Variants in AUTS2 observed in about 807,000 individuals in gnomAD.
AUTS2 encodes activator of transcription and developmental regulator AUTS2.
Under a neutral mutation model 112.4 loss-of-function variants are expected in AUTS2, and 17 were observed. That is an observed-to-expected ratio of 0.15 (90% CI 0.10 to 0.23). The LOEUF is 0.23. Among genes scored for constraint, AUTS2 ranks in the 10% least tolerant of loss-of-function variants. The probability of loss-of-function intolerance (pLI) is 1.00; values close to 1 mark genes in which losing one functional copy is unlikely to be tolerated. For synonymous variants in AUTS2, 751 were observed against 702.7 expected (o/e 1.07, Z -1.09); for missense variants, 1,510 against 1,701.6 (o/e 0.89, Z 1.98).
At chr7:69,775,656 A>T (rs1179515615) in intron 1 of AUTS2, among the ~76,000 whole-genome samples, 2 of 152,110 alleles carry the variant, frequency 1.3e-5, no homozygotes, top group Non-Finnish European at 2.9e-5. Flanking sequence ...TCCGCAGCAC[A>T]CATTTCAAGG....
chr7:69,905,688 G>A (rs1025031614), intron 2 of AUTS2, among the ~76,000 whole-genome samples: 1 of 152,132 alleles, frequency 6.6e-6, no homozygotes, highest in Non-Finnish European at 1.5e-5. Flanking sequence ...AGACTCACAT[G>A]CCAATCTCCT....
chr7:70,109,547 G>A (rs1203308582), intron 2 of AUTS2, among the ~76,000 whole-genome samples: 4 of 151,934 alleles, frequency 2.6e-5, no homozygotes, highest in Non-Finnish European at 5.9e-5. Context: ...AAAATTTTCT[G>A]ATTGGCAGTT....
chr7:70,364,602 TAAATAAATAAATAAAA>T (rs1313119843), intron 4 of AUTS2, among the ~76,000 whole-genome samples: 11 of 148,450 alleles, frequency 7.4e-5, no homozygotes, highest in Admixed American at 2.7e-4. Flanking sequence ...AATAAATAAA[TAAATAAATAAATAAAA>T]ATTAAAAAGG....
At chr7:70,041,809 A>G (rs1801260522) in intron 2 of AUTS2, among the ~76,000 whole-genome samples, 1 of 152,210 alleles carries the variant, frequency 6.6e-6, no homozygotes, top group Admixed American at 6.5e-5. Flanking sequence ...GTCTTTGAAT[A>G]TGATAACAGT....
chr7:70,786,892 C>A (rs1381307675), intron 17 of AUTS2: 3 of 421,986 alleles, frequency 7.1e-6, no homozygotes, highest in Non-Finnish European at 1.3e-5. Context: ...TTCTGCATGC[C>A]TGGAACTTCT....
At chr7:70,517,572 A>G (rs1029533585) in intron 5 of AUTS2, among the ~76,000 whole-genome samples, 1 of 101,090 alleles carries the variant, frequency 9.9e-6, no homozygotes, top group Non-Finnish European at 2.2e-5. Context: ...ACACATATAT[A>G]CAAATTGCAT....
chr7:69,959,346 A>T (rs1249483151), intron 2 of AUTS2, among the ~76,000 whole-genome samples: 1 of 152,186 alleles, frequency 6.6e-6, no homozygotes, highest in Non-Finnish European at 1.5e-5. Flanking sequence ...CAGTTCTCTC[A>T]AAAATCCTTG....
chr7:70,728,309 T>C (rs992846058), intron 6 of AUTS2, among the ~76,000 whole-genome samples: 2 of 152,196 alleles, frequency 1.3e-5, no homozygotes, highest in South Asian at 2.1e-4. Flanking sequence ...AAACTTATCC[T>C]TAAAGTGCAG....
At chr7:69,958,173 C>A (rs1385882837) in intron 2 of AUTS2, among the ~76,000 whole-genome samples, 1 of 152,134 alleles carries the variant, frequency 6.6e-6, no homozygotes, top group Non-Finnish European at 1.5e-5. Context: ...GCCCACCGGC[C>A]AATCCCGACC....
chr7:69,892,525 TTA>T (rs1794574086), intron 1 of AUTS2, among the ~76,000 whole-genome samples: 1 of 152,234 alleles, frequency 6.6e-6, no homozygotes, highest in Non-Finnish European at 1.5e-5. Flanking sequence ...ATTCTGTGGC[TTA>T]TCTATTTATG....
chr7:70,784,285 A>G (rs1053270667), intron 15 of AUTS2: 4 of 152,236 alleles, frequency 2.6e-5, no homozygotes, highest in African/African-American at 7.2e-5. Flanking sequence ...ATGCGAACTA[A>G]CATACTCTTC....
intron 4 of AUTS2, among the ~76,000 whole-genome samples, chr7:70,421,031 T>C (rs193160530): frequency 2.7e-3 from 412 of 152,288 alleles, no homozygotes; most frequent in Non-Finnish European, 4.9e-3. Flanking sequence ...GAAAGCTATA[T>C]TTTGACAAAC....
chr7:70,317,963 T>C (rs1029390723), intron 4 of AUTS2, among the ~76,000 whole-genome samples: 24 of 152,158 alleles, frequency 1.6e-4, no homozygotes, highest in African/African-American at 5.8e-4. Context: ...CTGAGACTTC[T>C]AAAATGTAAT....
At chr7:69,998,570 A>G (rs1476757070) in intron 2 of AUTS2, among the ~76,000 whole-genome samples, 1 of 152,214 alleles carries the variant, frequency 6.6e-6, no homozygotes, top group Non-Finnish European at 1.5e-5. Context: ...ATGATTGTGC[A>G]TACATGCACC....
chr7:69,636,478 G>GCCC (rs1794529707), intron 1 of AUTS2, among the ~76,000 whole-genome samples: 1 of 27,562 alleles, frequency 3.6e-5, no homozygotes. Context: ...CAAGTGATCC[G>GCCC]CGCCCCCCCC....
intron 2 of AUTS2, among the ~76,000 whole-genome samples, chr7:70,020,438 A>G (rs1196691373): frequency 6.6e-6 from 1 of 152,180 alleles, no homozygotes; most frequent in Non-Finnish European, 1.5e-5. Context: ...GTCAGTTCAC[A>G]AGGGCACTGA....
At chr7:70,408,441 G>A (rs1168789151) in intron 4 of AUTS2, among the ~76,000 whole-genome samples, 1 of 152,152 alleles carries the variant, frequency 6.6e-6, no homozygotes, top group Non-Finnish European at 1.5e-5. Context: ...CACATTATGA[G>A]AAAGGTCAAA....
At chr7:70,188,914 A>G (rs1437495644) in intron 4 of AUTS2, among the ~76,000 whole-genome samples, 1 of 150,892 alleles carries the variant, frequency 6.6e-6, no homozygotes, top group Non-Finnish European at 1.5e-5. Context: ...TTAATTATTT[A>G]TATGTCTGGA....
chr7:70,306,602 C>T (rs142013183), intron 4 of AUTS2, among the ~76,000 whole-genome samples: 193 of 152,252 alleles, frequency 1.3e-3, no homozygotes, highest in African/African-American at 4.5e-3. Flanking sequence ...CCTATCACTA[C>T]ACATTGAGAA....
Sources: gnomAD v4.1 joint callset for allele counts (sites outside exome capture counted in the v4.1 genomes callset) on GRCh38, gnomAD v4.1.1 for gene constraint, MANE v1.5 for transcripts, NCBI Gene and HGNC (gene_info 2026-07-23, HGNC 2026-07-21) for gene names.